NCAM2: variants seen among roughly 807,000 people sequenced by gnomAD.
NCAM2 encodes N-CAM-2.
NCAM2 carries 30 observed loss-of-function variants against 98.1 expected under a neutral mutation model. That is an observed-to-expected ratio of 0.31 (90% confidence interval 0.23 to 0.41). The LOEUF is 0.41. NCAM2 is among the 10% of genes least tolerant of loss of function. The pLI is 1.00. For missense variants in NCAM2, 867 were observed against 1,005.8 expected (o/e 0.86, Z 1.87); for synonymous variants, 368 against 342.4 (o/e 1.07, Z -0.83).
chr21:21,202,408 CTTTTTTTTTT>C (rs11385750), intron 1 of NCAM2, among the ~76,000 whole-genome samples: 23 of 80,220 alleles, frequency 2.9e-4, no homozygotes, highest in East Asian at 1.7e-3. Context: ...AGCAAATATC[CTTTTTTTTTT>C]TTTTTTTTTT....
At chr21:21,037,896 C>T (rs926270414) in intron 1 of NCAM2, among the ~76,000 whole-genome samples, 1 of 152,126 alleles carries the variant, frequency 6.6e-6, no homozygotes, top group Non-Finnish European at 1.5e-5. Context: ...TGAAGCAGAA[C>T]ATTCTCTACC....
chr21:21,512,255 G>A (rs536226272), intron 16 of NCAM2, among the ~76,000 whole-genome samples: 1 of 151,912 alleles, frequency 6.6e-6, no homozygotes, highest in Non-Finnish European at 1.5e-5. Flanking sequence ...ATTCTGTTTT[G>A]ATTTGTTCTT....
chr21:21,365,889 T>C (rs1568984351), intron 8 of NCAM2, among the ~76,000 whole-genome samples: 1 of 152,098 alleles, frequency 6.6e-6, no homozygotes, highest in Non-Finnish European at 1.5e-5. Flanking sequence ...GATTTCCTTT[T>C]GGGGGAGTAG....
At chr21:21,071,426 A>G (rs949966590) in intron 1 of NCAM2, among the ~76,000 whole-genome samples, 8 of 152,282 alleles carry the variant, frequency 5.3e-5, no homozygotes, top group Admixed American at 2.0e-4. Flanking sequence ...GGGAGATGGT[A>G]AAACAAATGT....
At chr21:21,026,357 AC>A (rs1265539140) in intron 1 of NCAM2, among the ~76,000 whole-genome samples, 2 of 152,210 alleles carry the variant, frequency 1.3e-5, no homozygotes, top group Non-Finnish European at 2.9e-5. Flanking sequence ...ATGAAAACTT[AC>A]TTAAAAATTT....
chr21:21,532,024 T>C (rs1333896235), intron 16 of NCAM2, among the ~76,000 whole-genome samples: 1 of 151,654 alleles, frequency 6.6e-6, no homozygotes, highest in Non-Finnish European at 1.5e-5. Flanking sequence ...ATATATATCT[T>C]ACAATGGATA....
intron 1 of NCAM2, among the ~76,000 whole-genome samples, chr21:21,178,890 G>C (rs2068382040): frequency 6.6e-6 from 1 of 152,016 alleles, no homozygotes; most frequent in Non-Finnish European, 1.5e-5. Context: ...CAGTTCATCA[G>C]TATCAGATAT....
chr21:21,191,930 C>A (rs531257189), intron 1 of NCAM2, among the ~76,000 whole-genome samples: 1 of 151,916 alleles, frequency 6.6e-6, no homozygotes, highest in African/African-American at 2.4e-5. Flanking sequence ...GTATTTAAAA[C>A]CTGAAGAGAG....
chr21:21,039,456 C>A (rs1296024799), intron 1 of NCAM2, among the ~76,000 whole-genome samples: 4 of 152,028 alleles, frequency 2.6e-5, no homozygotes, highest in African/African-American at 9.7e-5. Context: ...TGAAATGTTC[C>A]CAACACATAA....
intron 1 of NCAM2, among the ~76,000 whole-genome samples, chr21:21,032,971 T>G (rs1357674869): frequency 6.7e-6 from 1 of 148,296 alleles, no homozygotes; most frequent in Non-Finnish European, 1.5e-5. Flanking sequence ...TGAGACAGAG[T>G]TTCACTCTTG....
At position 21,312,295 on chromosome 21, in the gene NCAM2, A is replaced by C. The variant is rs1601942360; in HGVS notation, c.620-12088A>C. Among the ~76,000 whole-genome samples the C allele has an allele frequency of 2.6e-5, 4 of 151,732 alleles. No homozygotes were observed. In the South Asian group the frequency reaches 8.3e-4, roughly 32 times the overall value. ...TTTCTTTAAACTGTTAAGTTGGATA[A>C]ATTAATTGAGTATTGATTAATATGC... is the stretch of plus-strand genomic sequence containing the variant. On this transcript the variant is annotated intron_variant, in intron 5 of 17. Coordinates refer to ENST00000400546, the MANE Select transcript of NCAM2 (RefSeq NM_004540.5).
At chr21:21,141,343 T>A (rs1263814592) in intron 1 of NCAM2, among the ~76,000 whole-genome samples, 1 of 152,298 alleles carries the variant, frequency 6.6e-6, no homozygotes, top group South Asian at 2.1e-4. Flanking sequence ...CTATTGATGA[T>A]CTTTGCTAGA....
intron 1 of NCAM2, among the ~76,000 whole-genome samples, chr21:21,118,955 C>T (rs936661518): frequency 2.0e-5 from 3 of 152,148 alleles, no homozygotes; most frequent in African/African-American, 4.8e-5. Context: ...GCTTTTTAGA[C>T]TAGTGAGCAC....
intron 1 of NCAM2, among the ~76,000 whole-genome samples, chr21:21,125,310 A>T (rs1217777996): frequency 1.2e-5 from 1 of 82,626 alleles, no homozygotes; most frequent in African/African-American, 4.3e-5. Context: ...AGTTCATCTA[A>T]CTGCTTCTTG....
intron 10 of NCAM2, among the ~76,000 whole-genome samples, chr21:21,415,423 C>T (rs1861173882): frequency 6.8e-6 from 1 of 146,676 alleles, no homozygotes; most frequent in South Asian, 2.2e-4. Context: ...GCAAGCTCTG[C>T]CTCCCGGGTT....
At chr21:21,174,761 ATACAAT>A (rs2068229539) in intron 1 of NCAM2, among the ~76,000 whole-genome samples, 1 of 152,142 alleles carries the variant, frequency 6.6e-6, no homozygotes. Flanking sequence ...AATACCAATA[ATACAAT>A]TACAAATAAA....
At chr21:21,205,408 T>C (rs2069401374) in intron 1 of NCAM2, among the ~76,000 whole-genome samples, 1 of 152,118 alleles carries the variant, frequency 6.6e-6, no homozygotes, top group Admixed American at 6.6e-5. Flanking sequence ...AGCCTTTATT[T>C]TGGGGGCATT....
At chr21:21,464,440 G>C (rs1286339630) in intron 12 of NCAM2, among the ~76,000 whole-genome samples, 2 of 151,988 alleles carry the variant, frequency 1.3e-5, no homozygotes, top group African/African-American at 2.4e-5. Context: ...TTCATTATCT[G>C]ATTTAATTAA....
At chr21:21,359,108 T>G (rs2147983174) in intron 8 of NCAM2, among the ~76,000 whole-genome samples, 1 of 152,014 alleles carries the variant, frequency 6.6e-6, no homozygotes, top group East Asian at 1.9e-4. Context: ...GTGTGTGTGT[T>G]TTTCTTTTTT....
Sources: allele counts gnomAD v4.1 joint callset (sites outside exome capture counted in the v4.1 genomes callset), GRCh38; gene constraint gnomAD v4.1.1; transcripts MANE v1.5; gene names NCBI Gene and HGNC (gene_info 2026-07-23, HGNC 2026-07-21).